The following ANKS1B variants were observed in gnomAD, a reference collection of about 807,000 sequenced individuals.
ANKS1B encodes ankyrin repeat and sterile alpha motif domain-containing protein 1B.
A neutral mutation model predicts 148.3 loss-of-function variants in ANKS1B; 36 were observed. The observed-to-expected ratio is 0.24, with a 90% confidence interval of 0.19 to 0.32. ANKS1B has a LOEUF of 0.32. Among genes scored for constraint, ANKS1B ranks in the 10% least tolerant of loss-of-function variants. ANKS1B has a pLI of 1.00. For missense variants in ANKS1B, 1,157 were observed against 1,542.6 expected (o/e 0.75, Z 4.19); for synonymous variants, 542 against 560.8 (o/e 0.97, Z 0.47).
intron 12 of ANKS1B, among the ~76,000 whole-genome samples, chr12:99,314,365 G>A (rs907824985): frequency 6.6e-6 from 1 of 152,146 alleles, no homozygotes; most frequent in African/African-American, 2.4e-5. Flanking sequence ...TAGATTCAAT[G>A]CCATTCCCAT....
At chr12:99,516,383 T>C (rs2096821333) in intron 9 of ANKS1B, among the ~76,000 whole-genome samples, 1 of 152,126 alleles carries the variant, frequency 6.6e-6, no homozygotes, top group African/African-American at 2.4e-5. Flanking sequence ...GTATCAAGTT[T>C]TGCCAGCACA....
At chr12:99,934,417 G>C (rs186821960) in intron 1 of ANKS1B, among the ~76,000 whole-genome samples, 1 of 152,038 alleles carries the variant, frequency 6.6e-6, no homozygotes, top group African/African-American at 2.4e-5. Flanking sequence ...TCTTTGCTGG[G>C]AGACTTTTTA....
chr12:99,181,145 T>C (rs1342767633), intron 14 of ANKS1B, among the ~76,000 whole-genome samples: 1 of 152,208 alleles, frequency 6.6e-6, no homozygotes, highest in Non-Finnish European at 1.5e-5. Flanking sequence ...CACATAAACT[T>C]TGGTTAAATA....
chr12:99,091,369 G>A lies in ANKS1B; in HGVS notation c.2527-6346C>T, dbSNP rs185372897. 2.6e-5 allele frequency among the ~76,000 whole-genome samples: 4 copies of A among 152,270 alleles called. No individual in the cohort carries two copies. The East Asian group carries it at 7.7e-4, about 29-fold the overall frequency. ...AGTAACCAGGTATTTATTTGTTAAA[G>A]TATCGAGCAGGATTTGGTGATATCA... On this transcript the variant is annotated intron_variant, in intron 15 of 26. Coordinates refer to ENST00000683438, the MANE Select transcript of ANKS1B (RefSeq NM_001352186.2).
intron 9 of ANKS1B, among the ~76,000 whole-genome samples, chr12:99,585,884 T>C (rs73141676): frequency 0.12 from 18,199 of 152,108 alleles, 1,327 homozygotes; most frequent in Non-Finnish European, 0.16. Flanking sequence ...TGGGCCCAGC[T>C]CATGAAATCA....
chr12:99,122,631 A>C (rs2153729499), intron 15 of ANKS1B, among the ~76,000 whole-genome samples: 1 of 152,350 alleles, frequency 6.6e-6, no homozygotes, highest in East Asian at 1.9e-4. Flanking sequence ...ATTCAGAAAA[A>C]TGTTTAGGAA....
chr12:99,407,538 T>G lies in ANKS1B; in HGVS notation c.1576-7727A>C, dbSNP rs115874000. On this transcript the variant is annotated intron_variant, in intron 11 of 26. Transcript: ENST00000683438. The stretch of plus-strand genomic sequence containing the variant: ...CTAGTAATCAGACAAGAGAAAGAAA[T>G]AAAGGGCATCCAAGTTGAAAAGGAA... Among the ~76,000 whole-genome samples, 1,163 of 145,576 alleles carry G rather than the reference T, an allele frequency of 8.0e-3. 181 individuals are homozygous for G. The highest frequency in any genetic ancestry group is 0.029 in the African/African-American group (1,106 of 38,420).
intron 14 of ANKS1B, among the ~76,000 whole-genome samples, chr12:99,203,380 T>C (rs2082286983): frequency 6.6e-6 from 1 of 152,152 alleles, no homozygotes; most frequent in African/African-American, 2.4e-5. Flanking sequence ...TTCTCAAAAC[T>C]TCAAGCTCAG....
At chr12:98,843,983 A>G (rs1183890908) in intron 17 of ANKS1B, among the ~76,000 whole-genome samples, 1 of 152,208 alleles carries the variant, frequency 6.6e-6, no homozygotes, top group Non-Finnish European at 1.5e-5. Flanking sequence ...GGAGGGGAGC[A>G]TTTGGTCAGA....
At chr12:99,492,592 AT>A (rs1450816153) in intron 10 of ANKS1B, among the ~76,000 whole-genome samples, 1 of 152,146 alleles carries the variant, frequency 6.6e-6, no homozygotes, top group African/African-American at 2.4e-5. Flanking sequence ...CAGAAGCACA[AT>A]AAAAACAAGA....
intron 22 of ANKS1B, among the ~76,000 whole-genome samples, chr12:98,787,792 A>T (rs2098809485): frequency 6.6e-6 from 1 of 151,858 alleles, no homozygotes; most frequent in African/African-American, 2.4e-5. Context: ...TGGTGGTGGG[A>T]ACCTGTAGTC....
chr12:98,878,904 G>T (rs1429596238), intron 17 of ANKS1B, among the ~76,000 whole-genome samples: 1 of 152,156 alleles, frequency 6.6e-6, no homozygotes, highest in Non-Finnish European at 1.5e-5. Context: ...CGGAACAAAA[G>T]AAAAACTGTA....
intron 17 of ANKS1B, among the ~76,000 whole-genome samples, chr12:99,031,787 T>C (rs895169606): frequency 1.3e-5 from 2 of 152,192 alleles, no homozygotes; most frequent in Non-Finnish European, 2.9e-5. Context: ...CAAGTGCCCA[T>C]TTCCATGCCT....
chr12:98,741,085 G>GA (rs1254463321), downstream of ANKS1B, among the ~76,000 whole-genome samples: 1 of 152,158 alleles, frequency 6.6e-6, no homozygotes, highest in East Asian at 1.9e-4. Context: ...TTACATGAGG[G>GA]AAAATTCAAC....
chr12:99,467,662 C>T (rs1007286595), intron 10 of ANKS1B, among the ~76,000 whole-genome samples: 70 of 152,038 alleles, frequency 4.6e-4, no homozygotes, highest in Non-Finnish European at 6.8e-4. Context: ...AACAGAGAGC[C>T]AAATCATGAG....
intron 1 of ANKS1B, among the ~76,000 whole-genome samples, chr12:99,849,124 T>C (rs549999773): frequency 5.9e-5 from 9 of 152,234 alleles, no homozygotes; most frequent in African/African-American, 9.6e-5. Context: ...GATTCATTCA[T>C]ATCCCAAACC....
intron 23 of ANKS1B, 64 bp downstream of exon 23, chr12:98,782,062 A>G (rs7954506): frequency 0.44 from 587,981 of 1,341,198 alleles, 133,845 homozygotes; most frequent in Middle Eastern, 0.48. Flanking sequence ...ACCAGCAGTC[A>G]GTTTACTTCA....
intron 10 of ANKS1B, among the ~76,000 whole-genome samples, chr12:99,493,629 G>A (rs2096575331): frequency 6.6e-6 from 1 of 152,092 alleles, no homozygotes; most frequent in South Asian, 2.1e-4. Context: ...TTGAATATGA[G>A]GAATTGATAG....
chr12:98,947,606 A>G (rs1162042444), intron 17 of ANKS1B, among the ~76,000 whole-genome samples: 1 of 152,190 alleles, frequency 6.6e-6, no homozygotes, highest in Non-Finnish European at 1.5e-5. Flanking sequence ...GCAAACCAGT[A>G]ATTTGATATT....
Sources: gnomAD v4.1 joint callset for allele counts (sites outside exome capture counted in the v4.1 genomes callset) on GRCh38, gnomAD v4.1.1 for gene constraint, MANE v1.5 for transcripts, NCBI Gene and HGNC (gene_info 2026-07-23, HGNC 2026-07-21) for gene names.